SLC41A2: variants seen among roughly 807,000 people sequenced by gnomAD.
SLC41A2 encodes SLC41A1-like 1.
In SLC41A2, 32 loss-of-function variants were observed where a neutral mutation model predicts 58.3. The observed-to-expected ratio is 0.55, with a 90% CI of 0.41 to 0.74. The LOEUF (loss-of-function observed/expected upper bound fraction) is 0.74. Among genes scored for constraint, SLC41A2 ranks in the 30% least tolerant of loss-of-function variants. The pLI is 0.00. For synonymous variants in SLC41A2, 190 were observed against 235.0 expected (o/e 0.81, Z 1.75); for missense variants, 514 against 680.6 (o/e 0.76, Z 2.72).
rs536858971 is a variant in SLC41A2, at chr12:104,815,069, C to G, written c.1537-9732G>C. Among the ~76,000 whole-genome samples, 3 of 152,226 alleles carry G rather than the reference C, an allele frequency of 2.0e-5. No homozygotes were observed. In the East Asian group the frequency reaches 5.8e-4, roughly 29 times the overall value. ...TATACAATATGAATAAAGTTTTCTT[C>G]CCGTGCAATTTATTTTTAAAGGTAT... On this transcript the variant is annotated intron_variant, in intron 10 of 10. Transcript: ENST00000258538.
At chr12:104,827,069 C>T (rs772440271) in intron 10 of SLC41A2, among the ~76,000 whole-genome samples, 27 of 152,180 alleles carry the variant, frequency 1.8e-4, no homozygotes, top group African/African-American at 3.9e-4. Flanking sequence ...TTCTCTGAGA[C>T]GGCAATTATA....
At position 104,945,405 on chromosome 12, in the gene SLC41A2, C is replaced by G. The variant is rs143990160; in HGVS notation, c.-168+12683G>C. Among the ~76,000 whole-genome samples the G allele has an allele frequency of 7.0e-3, 1,055 of 151,176 alleles. 18 individuals carry two copies. The highest frequency in any genetic ancestry group is 0.023 in the African/African-American group (952 of 41,154). ...GTCCCAGCTACTCAGGAGGCTGAGT[C>G]AGGAGAATGGCATGAACACAGGAGG... On this transcript the variant is annotated intron_variant, in intron 1 of 10. Coordinates refer to ENST00000258538, the MANE Select transcript of SLC41A2 (RefSeq NM_001352171.3).
chr12:104,956,831 T>C (rs1272244594), intron 1 of SLC41A2, among the ~76,000 whole-genome samples: 1 of 152,060 alleles, frequency 6.6e-6, no homozygotes, highest in African/African-American at 2.4e-5. Flanking sequence ...ATTAGAGAAA[T>C]GCAAATCAAA....
At chr12:104,833,118 A>T (rs866325668) in intron 10 of SLC41A2, among the ~76,000 whole-genome samples, 1 of 152,206 alleles carries the variant, frequency 6.6e-6, no homozygotes, top group South Asian at 2.1e-4. Flanking sequence ...CAAAAGTGAG[A>T]ACTAAGAATA....
At chr12:104,909,234 T>C (rs1032794109) in intron 3 of SLC41A2, among the ~76,000 whole-genome samples, 1 of 152,244 alleles carries the variant, frequency 6.6e-6, no homozygotes, top group Non-Finnish European at 1.5e-5. Flanking sequence ...GTAGAGGTTA[T>C]ATCTAAGTGG....
chr12:104,913,109 G>A (rs899599885), intron 2 of SLC41A2, among the ~76,000 whole-genome samples: 1 of 152,102 alleles, frequency 6.6e-6, no homozygotes, highest in Non-Finnish European at 1.5e-5. Context: ...CTCAGCATTG[G>A]TGTGACAACA....
At chr12:104,815,636 T>A (rs180892376) in intron 10 of SLC41A2, among the ~76,000 whole-genome samples, 63 of 152,222 alleles carry the variant, frequency 4.1e-4, no homozygotes, top group African/African-American at 1.5e-3. Context: ...AGAAATATGA[T>A]ACAAATAAAC....
At chr12:104,816,090 AC>A (rs1189160901) in intron 10 of SLC41A2, among the ~76,000 whole-genome samples, 3 of 152,096 alleles carry the variant, frequency 2.0e-5, no homozygotes, top group Non-Finnish European at 2.9e-5. Context: ...GTAGAGTCAA[AC>A]CCAGGTCTGT....
chr12:104,898,588 A>G lies in SLC41A2; in HGVS notation c.664-3243T>C, dbSNP rs11112231. ...ATGTACATTTTTTTAAAAACCAGAA[A>G]GTTACCATTGTTACTTCCAAGTGTT... On this transcript the variant is annotated intron_variant, in intron 3 of 10. Transcript: ENST00000258538. 7.0e-3 allele frequency among the ~76,000 whole-genome samples: 1,057 copies of G among 151,698 alleles called. 2 individuals carry two copies. Among genetic ancestry groups the G allele is most frequent in the Middle Eastern group, 0.01 (3 of 288 alleles).
intron 5 of SLC41A2, among the ~76,000 whole-genome samples, chr12:104,887,688 T>C (rs1395190016): frequency 2.6e-5 from 4 of 152,134 alleles, no homozygotes; most frequent in Admixed American, 1.3e-4. Flanking sequence ...GTACCATCTA[T>C]ATCTTTTCAA....
chr12:104,925,152 T>C (rs1186730043), intron 2 of SLC41A2, among the ~76,000 whole-genome samples: 2 of 152,232 alleles, frequency 1.3e-5, no homozygotes, highest in Non-Finnish European at 2.9e-5. Flanking sequence ...GATAGTTACA[T>C]GGTTGTTTAT....
At chr12:104,927,828 T>C (rs2046904923) in intron 2 of SLC41A2, 145 bp downstream of exon 2, 9 of 685,622 alleles carry the variant, frequency 1.3e-5, no homozygotes, top group East Asian at 3.1e-5. Flanking sequence ...ATAGATTCTC[T>C]CCCAGAGTCA....
chr12:104,819,730 C>G (rs2041551857), intron 10 of SLC41A2, among the ~76,000 whole-genome samples: 1 of 152,166 alleles, frequency 6.6e-6, no homozygotes. Flanking sequence ...TCTCAGACTC[C>G]CTTACCAGTA....
intron 10 of SLC41A2, among the ~76,000 whole-genome samples, chr12:104,826,317 T>A (rs2041843080): frequency 6.6e-6 from 1 of 152,202 alleles, no homozygotes; most frequent in African/African-American, 2.4e-5. Flanking sequence ...CAATACCATA[T>A]GGCAATTGGA....
At chr12:104,820,780 T>A (rs2047126) in intron 10 of SLC41A2, among the ~76,000 whole-genome samples, 1 of 151,798 alleles carries the variant, frequency 6.6e-6, no homozygotes, top group African/African-American at 2.4e-5. Context: ...GTAGGTAGGA[T>A]TACAGGTGCC....
At chr12:104,904,701 A>G (rs1441077370) in intron 3 of SLC41A2, among the ~76,000 whole-genome samples, 1 of 144,218 alleles carries the variant, frequency 6.9e-6, no homozygotes, top group Non-Finnish European at 1.5e-5. Flanking sequence ...CTGGCTCAGG[A>G]GTGAAGCTGC....
chr12:104,853,802 G>A (rs1398275335), intron 8 of SLC41A2, among the ~76,000 whole-genome samples: 2 of 151,484 alleles, frequency 1.3e-5, no homozygotes, highest in African/African-American at 4.9e-5. Flanking sequence ...GGAATGCAGT[G>A]GTGCAATCAC....
chr12:104,841,198 T>A (rs2042397210), intron 10 of SLC41A2, among the ~76,000 whole-genome samples: 2 of 152,184 alleles, frequency 1.3e-5, no homozygotes, highest in Admixed American at 1.3e-4. Flanking sequence ...AACCTTACAA[T>A]TTTAACTGAT....
At chr12:104,853,318 T>A (rs1339548974) in intron 8 of SLC41A2, among the ~76,000 whole-genome samples, 1 of 152,194 alleles carries the variant, frequency 6.6e-6, no homozygotes, top group African/African-American at 2.4e-5. Context: ...AAGAAATAAA[T>A]CTTTATAATC....
Sources: gnomAD v4.1 joint callset for allele counts (sites outside exome capture counted in the v4.1 genomes callset) on GRCh38, gnomAD v4.1.1 for gene constraint, MANE v1.5 for transcripts, NCBI Gene and HGNC (gene_info 2026-07-23, HGNC 2026-07-21) for gene names.